Variants in ERICH1 observed in about 807,000 individuals in gnomAD.
The protein encoded by ERICH1 is glutamate-rich protein 1.
Under a neutral mutation model 39.6 loss-of-function variants are expected in ERICH1, and 56 were observed. That is an observed-to-expected ratio of 1.41 (90% CI 1.14 to 1.77). The LOEUF is 1.77. Among genes scored for constraint, ERICH1 ranks in the 40% most tolerant of loss-of-function variants. The probability of loss-of-function intolerance (pLI) is 0.00; values close to 1 mark genes in which losing one functional copy is unlikely to be tolerated. For missense variants in ERICH1, 826 were observed against 575.4 expected, an observed-to-expected ratio of 1.44 and a Z score of -4.45; for synonymous variants, 313 against 223.6, an observed-to-expected ratio of 1.40 and a Z score of -3.57.
At chr8:707,758 T>G (rs1207060484) in intron 2 of ERICH1, among the ~76,000 whole-genome samples, 1 of 152,082 alleles carries the variant, frequency 6.6e-6, no homozygotes, top group African/African-American at 2.4e-5. Context: ...AAATATGATA[T>G]AAAAAACACA....
At position 649,412 on chromosome 8, in the gene ERICH1, T is replaced by TTGCTTGTGA. The variant is rs1799645848; in HGVS notation, c.976+19185_976+19186insTCACAAGCA. Among the ~76,000 whole-genome samples, 2 of 15,118 alleles carry TTGCTTGTGA rather than the reference T, an allele frequency of 1.3e-4. 1 individual carries two copies. The allele number at this position is 15,118 out of a possible 152,430, so 9.9% of individuals were successfully genotyped here. On this transcript the variant is annotated intron_variant, in intron 3 of 3. Coordinates refer to the ERICH1 transcript ENST00000522706. ...CTCACAGTGTGGTTAAACTGGCTTCTCGGCTAAGAGCGGGGCTTGCTTTTA... is the reference window on the plus strand; with the variant it reads ...CTCACAGTGTGGTTAAACTGGCTTCTTGCTTGTGACGGCTAAGAGCGGGGCTTGCTTTTA...
chr8:642,319 G>C (rs1430561817), intron 3 of ERICH1, among the ~76,000 whole-genome samples: 1 of 138,442 alleles, frequency 7.2e-6, no homozygotes, highest in African/African-American at 2.7e-5. Flanking sequence ...TCCCTAAAAA[G>C]AATATCATGG....
At chr8:631,064 T>C (rs888247413) in intron 3 of ERICH1, among the ~76,000 whole-genome samples, 9 of 151,954 alleles carry the variant, frequency 5.9e-5, no homozygotes, top group African/African-American at 2.2e-4. Context: ...TTGACAGAGC[T>C]GACTCATACC....
chr8:687,605 C>G (rs1168132570), intron 3 of ERICH1, among the ~76,000 whole-genome samples: 4 of 152,244 alleles, frequency 2.6e-5, no homozygotes, highest in African/African-American at 9.6e-5. Context: ...TGGAGGGAGG[C>G]GGGTCCCTGT....
At chr8:650,923 G>A (rs1167503504) in intron 3 of ERICH1, among the ~76,000 whole-genome samples, 1 of 152,188 alleles carries the variant, frequency 6.6e-6, no homozygotes, top group African/African-American at 2.4e-5. Flanking sequence ...AATAGATCTG[G>A]GGTCCTGTCA....
chr8:671,104 C>T (rs62487377), intron 4 of ERICH1, among the ~76,000 whole-genome samples: 2,460 of 151,760 alleles, frequency 0.016, 11 homozygotes, highest in Middle Eastern at 0.038. Flanking sequence ...TGTCTGTGCT[C>T]ACTGGTCCCC....
At chr8:619,535 T>C (rs1797147625) in intron 3 of ERICH1, among the ~76,000 whole-genome samples, 1 of 152,288 alleles carries the variant, frequency 6.6e-6, no homozygotes, top group African/African-American at 2.4e-5. Context: ...TGACATCAGA[T>C]AGTAACCAGT....
At chr8:665,183 C>G (rs550713272) in intron 5 of ERICH1, among the ~76,000 whole-genome samples, 1 of 146,290 alleles carries the variant, frequency 6.8e-6, no homozygotes, top group Non-Finnish European at 1.5e-5. Flanking sequence ...ATCGCGATGC[C>G]ACAATCGCCC....
At chr8:630,804 A>T (rs1797968970) in intron 3 of ERICH1, among the ~76,000 whole-genome samples, 1 of 143,630 alleles carries the variant, frequency 7.0e-6, no homozygotes, top group Non-Finnish European at 1.5e-5. Flanking sequence ...CCCTCCCGTG[A>T]CCACCCACAC....
intron 3 of ERICH1, among the ~76,000 whole-genome samples, chr8:687,352 G>A (rs774297081): frequency 1.3e-5 from 2 of 152,202 alleles, no homozygotes; most frequent in Admixed American, 6.5e-5. Flanking sequence ...ACCAAATATT[G>A]ACTTAAGACT....
intron 2 of ERICH1, among the ~76,000 whole-genome samples, chr8:702,397 T>A (rs935911353): frequency 1.3e-5 from 2 of 151,972 alleles, no homozygotes; most frequent in Middle Eastern, 3.2e-3. Context: ...TGGGAATCTG[T>A]CCCTACGTTG....
chr8:700,090 C>T (rs111161371), intron 2 of ERICH1, among the ~76,000 whole-genome samples: 1 of 119,000 alleles, frequency 8.4e-6, no homozygotes, highest in Non-Finnish European at 1.7e-5. Context: ...GACCCGCACA[C>T]GCGCACAGAC....
chr8:657,095 T>C (rs1203959933), intron 3 of ERICH1, among the ~76,000 whole-genome samples: 2 of 152,264 alleles, frequency 1.3e-5, no homozygotes, highest in Admixed American at 1.3e-4. Flanking sequence ...AACTGTAGTT[T>C]CTTAAAGGTT....
In ERICH1 at chr8:712,580, C is replaced by T. The variant is rs528482748; in HGVS notation, c.169+3281G>A. Reference sequence around the variant, plus strand: ...GAGTAGCTGGGACTACAGGTGTGCACCACCATGACTGGCTAATTTTTTGTA... The same window carrying T: ...GAGTAGCTGGGACTACAGGTGTGCATCACCATGACTGGCTAATTTTTTGTA... On this transcript the variant is annotated intron_variant, in intron 2 of 5. Coordinates refer to ENST00000262109, the MANE Select transcript of ERICH1 (RefSeq NM_207332.3). 3.3e-5 allele frequency among the ~76,000 whole-genome samples: 5 copies of T among 152,252 alleles called. No homozygotes were observed. In the East Asian group the frequency reaches 9.6e-4, roughly 29 times the overall value.
rs1441116617 is a variant in ERICH1 at position 644,927 on chromosome 8, C to T, written c.976+23671G>A. ...CTTGCGGGAGGCTGGGACCCGAACACACTGTCTGTTCTCTCAGAGGCAGGA... is the reference window on the plus strand; with the variant it reads ...CTTGCGGGAGGCTGGGACCCGAACATACTGTCTGTTCTCTCAGAGGCAGGA... On this transcript the variant is annotated intron_variant, in intron 3 of 3. Coordinates refer to the ERICH1 transcript ENST00000522706. Among the ~76,000 whole-genome samples the T allele has an allele frequency of 2.9e-5, 2 of 69,232 alleles. 1 individual carries two copies. Among genetic ancestry groups the T allele is most frequent in the Non-Finnish European group, 9.1e-5 (2 of 21,970 alleles). 45.4% of individuals were successfully genotyped at this position (69,232 alleles called of 152,430 possible). A position where few individuals can be genotyped will look rare whatever the true frequency, so the allele number is the denominator to read the frequency against.
downstream of ERICH1, among the ~76,000 whole-genome samples, chr8:660,410 G>T (rs937023024): frequency 6.6e-6 from 1 of 152,232 alleles, no homozygotes; most frequent in Non-Finnish European, 1.5e-5. Flanking sequence ...TGCCAGGTTG[G>T]AGGGGCCACG....
At chr8:707,740 G>T (rs990878338) in intron 2 of ERICH1, among the ~76,000 whole-genome samples, 5 of 152,184 alleles carry the variant, frequency 3.3e-5, no homozygotes, top group Non-Finnish European at 7.3e-5. Flanking sequence ...ATTAGGCAAT[G>T]ATGTCTTAAA....
intron 3 of ERICH1, among the ~76,000 whole-genome samples, chr8:629,896 CA>C (rs1176747771): frequency 5.0e-5 from 7 of 140,630 alleles, no homozygotes; most frequent in African/African-American, 2.0e-4. Flanking sequence ...TGTGAGCACC[CA>C]CACAGACAGA....
chr8:657,735 T>C (rs1800841501), intron 3 of ERICH1, among the ~76,000 whole-genome samples: 1 of 151,940 alleles, frequency 6.6e-6, no homozygotes, highest in South Asian at 2.1e-4. Context: ...TAGAATGATA[T>C]AAATGTCATG....
Sources: allele counts gnomAD v4.1 joint callset (sites outside exome capture counted in the v4.1 genomes callset), GRCh38; gene constraint gnomAD v4.1.1; transcripts MANE v1.5; gene names NCBI Gene and HGNC (gene_info 2026-07-23, HGNC 2026-07-21).